TLK1: variants seen among roughly 807,000 people sequenced by gnomAD.
TLK1 encodes tousled like kinase 1.
In TLK1, 24 loss-of-function variants were observed where a neutral mutation model predicts 105.3. That is an observed-to-expected ratio of 0.23 (90% confidence interval 0.17 to 0.32). The LOEUF (loss-of-function observed/expected upper bound fraction) is 0.32, where lower values mean the gene tolerates loss of function less well. Among genes scored for constraint, TLK1 ranks in the 10% least tolerant of loss-of-function variants. The pLI is 1.00. For missense variants in TLK1, 558 were observed against 910.5 expected, an observed-to-expected ratio of 0.61 and a Z score of 4.98; for synonymous variants, 321 against 310.4, an observed-to-expected ratio of 1.03 and a Z score of -0.36.
At chr2:171,005,713 G>C (rs1172696278) in intron 18 of TLK1, among the ~76,000 whole-genome samples, 2 of 152,204 alleles carry the variant, frequency 1.3e-5, no homozygotes, top group Non-Finnish European at 2.9e-5. Context: ...GCAAGACCCT[G>C]TCTCAAAATA....
intron 12 of TLK1, among the ~76,000 whole-genome samples, chr2:171,018,098 C>A (rs1685293819): frequency 6.6e-6 from 1 of 152,176 alleles, no homozygotes; most frequent in Admixed American, 6.5e-5. Flanking sequence ...GAAGATGAGG[C>A]CTTTGGGAGG....
intron 1 of TLK1, among the ~76,000 whole-genome samples, chr2:171,169,788 G>A (rs994360636): frequency 6.6e-6 from 1 of 152,100 alleles, no homozygotes; most frequent in Non-Finnish European, 1.5e-5. Context: ...GGATTAACAG[G>A]GGCTAGAAGA....
chr2:171,215,173 T>A (rs1304277274), intron 1 of TLK1, among the ~76,000 whole-genome samples: 1 of 152,178 alleles, frequency 6.6e-6, no homozygotes, highest in African/African-American at 2.4e-5. Context: ...ATGCCTGGGC[T>A]CAAGTGATCT....
intron 1 of TLK1, among the ~76,000 whole-genome samples, chr2:171,195,252 C>T (rs1341719211): frequency 6.6e-6 from 1 of 152,084 alleles, no homozygotes; most frequent in Non-Finnish European, 1.5e-5. Flanking sequence ...GCCTGTAATC[C>T]CAGCACTTTG....
intron 2 of TLK1, among the ~76,000 whole-genome samples, chr2:171,088,454 C>G (rs996195842): frequency 6.6e-6 from 1 of 152,222 alleles, no homozygotes; most frequent in Admixed American, 6.5e-5. Context: ...TCAAAAAATT[C>G]TTCCAGAACT....
chr2:171,084,027 CCA>C (rs1432398808), intron 2 of TLK1, among the ~76,000 whole-genome samples: 7 of 152,090 alleles, frequency 4.6e-5, no homozygotes, highest in Middle Eastern at 3.4e-3. Flanking sequence ...AACCAAAAAC[CCA>C]CAGACTGTAT....
chr2:171,081,527 T>C (rs561246618), intron 3 of TLK1: 1 of 534,258 alleles, frequency 1.9e-6, no homozygotes, highest in East Asian at 7.8e-5. Flanking sequence ...ATACACTTTT[T>C]AAAAAACTTT....
intron 11 of TLK1, 49 bp downstream of exon 11, chr2:171,046,125 G>A (rs374956828): frequency 3.3e-5 from 47 of 1,422,228 alleles, no homozygotes; most frequent in South Asian, 1.2e-4. Context: ...TAACATTCAC[G>A]CTCACTGGCA....
chr2:171,090,452 T>TACAGC (rs1689179381), intron 2 of TLK1, among the ~76,000 whole-genome samples: 1 of 151,794 alleles, frequency 6.6e-6, no homozygotes, highest in African/African-American at 2.4e-5. Flanking sequence ...GAGTGCTGCT[T>TACAGC]ACATCACTGT....
At chr2:171,050,003 G>C in intron 9 of TLK1, 53 bp from the exon 10 acceptor site, 1 of 1,610,164 alleles carries the variant, frequency 6.2e-7, no homozygotes, top group East Asian at 2.2e-5. Context: ...ATTTATAAAA[G>C]CATACAAAGC....
intron 2 of TLK1, among the ~76,000 whole-genome samples, chr2:171,096,330 T>C (rs1689450683): frequency 6.6e-6 from 1 of 151,892 alleles, no homozygotes; most frequent in African/African-American, 2.4e-5. Flanking sequence ...CGAGACCCCA[T>C]CTCTATAAAA....
intron 10 of TLK1, among the ~76,000 whole-genome samples, chr2:171,048,902 A>C (rs1014267049): frequency 2.0e-5 from 3 of 152,242 alleles, no homozygotes; most frequent in African/African-American, 7.2e-5. Context: ...TCCACCAAAA[A>C]CGGAGTAGCA....
intron 1 of TLK1, among the ~76,000 whole-genome samples, chr2:171,142,622 A>G (rs1370985026): frequency 6.6e-6 from 1 of 152,216 alleles, no homozygotes; most frequent in Non-Finnish European, 1.5e-5. Flanking sequence ...AAAATATATA[A>G]AACAAAAACT....
At chr2:171,111,592 A>C (rs1265851730) in intron 2 of TLK1, among the ~76,000 whole-genome samples, 1 of 151,932 alleles carries the variant, frequency 6.6e-6, no homozygotes, top group Non-Finnish European at 1.5e-5. Flanking sequence ...ATTCAAAAAA[A>C]AAAAAAAAAG....
At chr2:171,055,056 G>A in intron 7 of TLK1, 27 bp downstream of exon 7, 2 of 1,350,236 alleles carry the variant, frequency 1.5e-6, no homozygotes, top group Non-Finnish European at 2.0e-6. Context: ...AGAAGCCATA[G>A]AAAAAAACAT....
At chr2:171,190,124 G>A (rs903627171) in intron 1 of TLK1, among the ~76,000 whole-genome samples, 1 of 152,066 alleles carries the variant, frequency 6.6e-6, no homozygotes, top group Non-Finnish European at 1.5e-5. Flanking sequence ...TTTTCCATTC[G>A]AACTTCTCCA....
At chr2:171,158,246 C>G (rs1692312237) in intron 1 of TLK1, among the ~76,000 whole-genome samples, 1 of 152,118 alleles carries the variant, frequency 6.6e-6, no homozygotes, top group Non-Finnish European at 1.5e-5. Flanking sequence ...TATACAGGTA[C>G]TCGGTGTGAA....
chr2:171,201,257 T>C (rs1247005328), intron 1 of TLK1, among the ~76,000 whole-genome samples: 1 of 152,168 alleles, frequency 6.6e-6, no homozygotes, highest in Admixed American at 6.5e-5. Flanking sequence ...TCATAGAGTA[T>C]GTTTGAGATT....
At chr2:171,099,644 G>A (rs374404361) in intron 2 of TLK1, among the ~76,000 whole-genome samples, 66 of 152,262 alleles carry the variant, frequency 4.3e-4, no homozygotes, top group African/African-American at 1.3e-3. Context: ...GTGGTATGGC[G>A]AAAAGATAGA....
Sources: gnomAD v4.1 joint callset for allele counts (sites outside exome capture counted in the v4.1 genomes callset) on GRCh38, gnomAD v4.1.1 for gene constraint, MANE v1.5 for transcripts, NCBI Gene and HGNC (gene_info 2026-07-23, HGNC 2026-07-21) for gene names.